The following RUVBL1 variants were observed in gnomAD, a reference collection of about 807,000 sequenced individuals.
RUVBL1 encodes RuvB like AAA ATPase 1.
RUVBL1 carries 4 observed loss-of-function variants against 52.4 expected under a neutral mutation model. That is an observed-to-expected ratio of 0.08 (90% confidence interval 0.04 to 0.17). The LOEUF is 0.17. RUVBL1 is among the 10% of genes least tolerant of loss of function. RUVBL1 has a pLI of 1.00. For missense variants in RUVBL1, 298 were observed against 572.8 expected, an observed-to-expected ratio of 0.52 and a Z score of 4.90; for synonymous variants, 217 against 214.4, an observed-to-expected ratio of 1.01 and a Z score of -0.10.
intron 1 of RUVBL1, among the ~76,000 whole-genome samples, chr3:128,150,948 T>C (rs1160428299): frequency 2.1e-5 from 2 of 93,848 alleles, no homozygotes; most frequent in African/African-American, 8.8e-5. Context: ...ATATATTATA[T>C]ATATTATATA....
chr3:128,082,558 G>A lies in RUVBL1; in HGVS notation c.1136C>T (p.Ala379Val). 1 of 1,612,452 alleles carries A rather than the reference G, an allele frequency of 6.2e-7. No individual in the cohort carries two copies. The highest frequency in any genetic ancestry group is 8.5e-7 in the Non-Finnish European group (1 of 1,179,300). Residue 379 changes from alanine to valine, a missense_variant, in exon 10 of 11, where the codon GCC becomes GTC. Ala to Val is a moderately conservative substitution (Grantham distance 64). Coordinates refer to ENST00000322623, the MANE Select transcript of RUVBL1 (RefSeq NM_003707.3). This position sits in a 1 kb window ranked among gnomAD's most constrained non-coding sequence, Gnocchi z 4.7. Reference protein sequence around the residue: ...QEMKQIIKIRAQTEGINISEE... With the variant: ...QEMKQIIKIRVQTEGINISEE... ...ACTGATGTTGATTCCTTCCGTCTGG[G>A]CACGGATTTTAATGATCTTTTAAAG...
chr3:128,067,353 C>A lies in RUVBL1; in HGVS notation c.940-2133G>T. On this transcript the variant is annotated intron_variant, in intron 9 of 9. Coordinates refer to the RUVBL1 transcript ENST00000464873. This position sits in a 1 kb window ranked among gnomAD's most constrained non-coding sequence, Gnocchi z 4.1. ...ATTGCATTCTTTCATCTGCTCAGAA[C>A]TATTTTTGCCTTGATGCTAAAGTAA... 1 of 1,507,224 alleles carries A rather than the reference C, an allele frequency of 6.6e-7. No individual in the cohort carries two copies. The highest frequency in any genetic ancestry group is 9.0e-7 in the Non-Finnish European group (1 of 1,108,920). The allele number at this position is 1,507,224 out of a possible 1,614,324, so 93.4% of individuals were successfully genotyped here.
chr3:128,105,006 G>T, intron 3 of RUVBL1, 82 bp from the exon 4 acceptor site: 1 of 1,477,046 alleles, frequency 6.8e-7, no homozygotes, highest in South Asian at 1.3e-5. Context: ...CATGTCACCA[G>T]AACTGCCAAA....
At chr3:128,076,995 G>A (rs532803697), downstream of RUVBL1, among the ~76,000 whole-genome samples, 27 of 152,118 alleles carry the variant, frequency 1.8e-4, no homozygotes, top group African/African-American at 6.0e-4. The surrounding 1 kb of genome is among the most constrained non-coding windows in gnomAD (Gnocchi z 6.8). Context: ...GTGACGGAGC[G>A]GGCAATCGGC....
In RUVBL1 at chr3:128,082,456, C is replaced by T; in HGVS notation, c.1211+27G>A. The T allele has an allele frequency of 6.3e-7, 1 of 1,590,570 alleles. No individual in the cohort carries two copies. Among genetic ancestry groups the T allele is most frequent in the Non-Finnish European group, 8.6e-7 (1 of 1,159,622 alleles). ...AGGGCCCTGGCTGTGCTGGGGAGGC[C>T]CCGGCGGGCCCAGGGTACCAGCTCA... On this transcript the variant is annotated intron_variant, in intron 10 of 10. Transcript: ENST00000322623. This position sits in a 1 kb window ranked among gnomAD's most constrained non-coding sequence, Gnocchi z 4.7.
Position 128,067,539 on chromosome 3 carries a change from T to C in RUVBL1, c.940-2319A>G. 2 of 1,614,112 alleles carry C rather than the reference T, an allele frequency of 1.2e-6. No homozygotes were observed. The highest frequency in any genetic ancestry group is 1.7e-6 in the Non-Finnish European group (2 of 1,179,984). ...GACCCGGTCCATGCAGTTGTATACA[T>C]AGTGTTCATGCTGGGCTCCTGTGCA... On this transcript the variant is annotated intron_variant, in intron 9 of 9. Transcript: ENST00000464873. The surrounding 1 kb of genome is among the most constrained non-coding windows in gnomAD (Gnocchi z 4.1).
chr3:128,070,364 C>T (rs145595955), intron 9 of RUVBL1: 2 of 152,360 alleles, frequency 1.3e-5, no homozygotes, highest in Admixed American at 1.3e-4. Flanking sequence ...CTGCTAGCTC[C>T]GTGTTTAGTC....
chr3:128,068,140 C>A, intron 9 of RUVBL1: 1 of 975,928 alleles, frequency 1.0e-6, no homozygotes, highest in Non-Finnish European at 1.6e-6. Context: ...CTGATAGGCC[C>A]TAGCACTTAC....
At chr3:128,122,880 A>G (rs1037235907) in intron 1 of RUVBL1, among the ~76,000 whole-genome samples, 3 of 152,218 alleles carry the variant, frequency 2.0e-5, no homozygotes, top group Non-Finnish European at 2.9e-5. Flanking sequence ...CCCCAACTCA[A>G]TATTTTCACC....
chr3:128,092,136 A>G (rs929132589), intron 8 of RUVBL1, among the ~76,000 whole-genome samples: 22 of 152,254 alleles, frequency 1.4e-4, no homozygotes, highest in Non-Finnish European at 4.4e-5. Flanking sequence ...TTCTGGGACA[A>G]CTGGATATTC....
rs762326355 is a variant in RUVBL1 at position 128,123,741 on chromosome 3, G to A, written c.-17C>T. 2.6e-5 allele frequency: 42 copies of A among 1,587,784 alleles called. No individual in the cohort carries two copies. Among genetic ancestry groups the A allele is most frequent in the Admixed American group, 6.7e-5 (4 of 59,404 alleles). On this transcript the variant is annotated 5_prime_UTR_variant, in exon 1 of 11. Transcript: ENST00000322623. ...AATCTTCATTTTGCAGACGCCGGGA[G>A]CTAAAACCAGCGTGGAAAACCAGCA...
intron 1 of RUVBL1, among the ~76,000 whole-genome samples, chr3:128,122,793 CAG>C (rs1439946225): frequency 6.6e-6 from 1 of 152,138 alleles, no homozygotes; most frequent in Non-Finnish European, 1.5e-5. Context: ...ATTTGGGAGT[CAG>C]AAATACACGT....
downstream of RUVBL1, among the ~76,000 whole-genome samples, chr3:128,078,009 G>A (rs953092127): frequency 5.3e-5 from 8 of 152,160 alleles, no homozygotes; most frequent in Admixed American, 1.3e-4. Context: ...TAGGACCAAG[G>A]GCCACACAGA....
At chr3:128,123,542 G>T in intron 1 of RUVBL1, 42 bp downstream of exon 1, 1 of 1,525,092 alleles carries the variant, frequency 6.6e-7, no homozygotes. Flanking sequence ...CGCCGCAGCA[G>T]CCCTGCTTGC....
At chr3:128,147,087 AT>A (rs913475048) in intron 1 of RUVBL1, among the ~76,000 whole-genome samples, 5 of 152,164 alleles carry the variant, frequency 3.3e-5, no homozygotes, top group African/African-American at 1.2e-4. Flanking sequence ...TATAATTATT[AT>A]TGAGACAAGG....
At chr3:128,116,823 TCTC>T (rs1322406065) in intron 2 of RUVBL1, among the ~76,000 whole-genome samples, 9 of 152,202 alleles carry the variant, frequency 5.9e-5, no homozygotes, top group Non-Finnish European at 1.2e-4. Context: ...CTTTAAAGGT[TCTC>T]CTTTCTTGGT....
At chr3:128,147,234 TA>T (rs1252109126) in intron 1 of RUVBL1, among the ~76,000 whole-genome samples, 1 of 152,140 alleles carries the variant, frequency 6.6e-6, no homozygotes, top group Non-Finnish European at 1.5e-5. Flanking sequence ...CATACCTGGC[TA>T]ATTTTTGTGT....
intron 9 of RUVBL1, chr3:128,066,906 G>T (rs769147578): frequency 6.3e-7 from 1 of 1,589,260 alleles, no homozygotes; most frequent in South Asian, 1.1e-5. Context: ...CTGTGCAGCA[G>T]GCTGAAATGA....
Position 128,087,797 on chromosome 3 carries a change from T to A in RUVBL1, c.1028A>T (p.Asp343Val), listed in dbSNP as rs1026742095. 6.2e-7 allele frequency: 1 copy of A among 1,613,232 alleles called. No individual in the cohort carries two copies. The highest frequency in any genetic ancestry group is 2.2e-5 in the East Asian group (1 of 44,866). ...AGGGATGCCGTGAGGGGATGTGATG[T>A]CCTCAGTGCCTCTGTAAGGGGCAAA... ...RGNCVIRGTE[D>V]ITSPHGIPLD... The change falls in exon 9 of 11, where the codon GAC (aspartate) becomes GTC (valine). Residue 343 changes from aspartate to valine, a missense_variant. Around this residue, in one of 5 missense-constraint regions of RUVBL1, gnomAD observed 161 missense variants for 298.3 expected, o/e 0.54. Transcript: ENST00000322623.
Sources: allele counts gnomAD v4.1 joint callset (sites outside exome capture counted in the v4.1 genomes callset), GRCh38; gene constraint gnomAD v4.1.1; regional missense constraint gnomAD v4.1.1; non-coding constraint Gnocchi (gnomAD v3.1); transcripts MANE v1.5; gene names NCBI Gene and HGNC (gene_info 2026-07-23, HGNC 2026-07-21).